The following SLX4IP variants were observed in gnomAD, a reference collection of about 807,000 sequenced individuals.
SLX4IP encodes the protein protein SLX4IP.
A neutral mutation model predicts 32.9 loss-of-function variants in SLX4IP; 34 were observed. That is an observed-to-expected ratio of 1.03 (90% CI 0.79 to 1.38). The LOEUF (loss-of-function observed/expected upper bound fraction) is 1.38. Ranked by LOEUF, SLX4IP falls within the 40% of genes most tolerant of loss-of-function variation. The pLI is 0.00. For missense variants in SLX4IP, 444 were observed against 479.0 expected (o/e 0.93, Z 0.68); for synonymous variants, 172 against 171.7 (o/e 1.00, Z -0.01).
chr20:10,520,594 G>A (rs890260992), intron 2 of SLX4IP, among the ~76,000 whole-genome samples: 2 of 152,128 alleles, frequency 1.3e-5, no homozygotes, highest in Non-Finnish European at 2.9e-5. Flanking sequence ...GCCTTACCAA[G>A]ATTATGAAAG....
At chr20:10,582,799 A>G (rs559211193) in intron 4 of SLX4IP, among the ~76,000 whole-genome samples, 51 of 152,322 alleles carry the variant, frequency 3.3e-4, no homozygotes, top group African/African-American at 7.7e-4. Flanking sequence ...ACAACATAAT[A>G]AAAGATACTT....
At chr20:10,541,831 A>C (rs2066110746) in intron 2 of SLX4IP, among the ~76,000 whole-genome samples, 1 of 152,212 alleles carries the variant, frequency 6.6e-6, no homozygotes, top group South Asian at 2.1e-4. Context: ...CCCATTGTAC[A>C]GATAAAGGGA....
intron 4 of SLX4IP, among the ~76,000 whole-genome samples, chr20:10,578,844 A>G (rs1299146111): frequency 6.6e-6 from 1 of 152,218 alleles, no homozygotes; most frequent in Non-Finnish European, 1.5e-5. Context: ...CATCTATTCA[A>G]GTACTTACTG....
chr20:10,459,166 GA>G (rs1223658046), intron 2 of SLX4IP, among the ~76,000 whole-genome samples: 26 of 152,220 alleles, frequency 1.7e-4, no homozygotes, highest in African/African-American at 5.8e-4. Flanking sequence ...CCTTTTTTCA[GA>G]AGAGTCTATT....
chr20:10,438,665 A>G (rs2065136375), intron 1 of SLX4IP, among the ~76,000 whole-genome samples: 2 of 151,472 alleles, frequency 1.3e-5, no homozygotes, highest in African/African-American at 4.9e-5. Context: ...TATTTTTAGT[A>G]GAGATGGAGT....
chr20:10,462,153 C>T (rs1286968052), intron 2 of SLX4IP, among the ~76,000 whole-genome samples: 2 of 151,476 alleles, frequency 1.3e-5, no homozygotes, highest in Non-Finnish European at 2.9e-5. Context: ...GAAAGTAGAA[C>T]AAAAAGATAA....
intron 2 of SLX4IP, among the ~76,000 whole-genome samples, chr20:10,518,464 T>TGC (rs2065873222): frequency 2.2e-5 from 1 of 45,834 alleles, no homozygotes; most frequent in Admixed American, 1.9e-4. Flanking sequence ...CCTTCCTTCC[T>TGC]TTCCTTTCTT....
chr20:10,616,093 G>C, intron 6 of SLX4IP, among the ~76,000 whole-genome samples: 1 of 152,060 alleles, frequency 6.6e-6, no homozygotes, highest in Non-Finnish European at 1.5e-5. Context: ...TTCTGTGTTG[G>C]TAAAGGCCAA....
chr20:10,607,713 A>G (rs887960681), intron 6 of SLX4IP, among the ~76,000 whole-genome samples: 2 of 152,114 alleles, frequency 1.3e-5, no homozygotes, highest in African/African-American at 4.8e-5. Context: ...GCTGGTAGTG[A>G]GGATGAAGAT....
chr20:10,621,433 C>G lies in SLX4IP; in HGVS notation c.506+19C>G, dbSNP rs1243278735. The G allele has an allele frequency of 1.2e-5, 20 of 1,610,182 alleles. No homozygotes were observed. Among genetic ancestry groups the G allele is most frequent in the Non-Finnish European group, 1.6e-5 (19 of 1,176,716 alleles). On this transcript the variant is annotated intron_variant, in intron 7 of 7. Coordinates refer to ENST00000334534, the MANE Select transcript of SLX4IP (RefSeq NM_001009608.3). ...AAGAAATGTAGGTGCAATGTGTTTC[C>G]TTTTTCTCATTTTTGCCTGTCTCTA...
intron 2 of SLX4IP, among the ~76,000 whole-genome samples, chr20:10,506,588 T>G (rs540366461): frequency 5.7e-4 from 87 of 152,340 alleles, no homozygotes; most frequent in African/African-American, 2.1e-3. Context: ...TTATGATTGC[T>G]ATGAAATTCA....
At chr20:10,517,033 A>C (rs1041730286) in intron 2 of SLX4IP, among the ~76,000 whole-genome samples, 1 of 152,228 alleles carries the variant, frequency 6.6e-6, no homozygotes, top group African/African-American at 2.4e-5. Context: ...ATGTATTTGA[A>C]TGAGCATGGG....
chr20:10,590,968 A>G (rs541259627), intron 4 of SLX4IP, among the ~76,000 whole-genome samples: 8 of 152,324 alleles, frequency 5.3e-5, no homozygotes, highest in African/African-American at 1.9e-4. Context: ...AAAAGTTTGA[A>G]TTGTTTGCAA....
At chr20:10,611,238 G>A (rs920102761) in intron 6 of SLX4IP, among the ~76,000 whole-genome samples, 3 of 152,092 alleles carry the variant, frequency 2.0e-5, no homozygotes, top group Admixed American at 6.6e-5. Context: ...GAGGGCTGTC[G>A]CATACAATAA....
intron 7 of SLX4IP, among the ~76,000 whole-genome samples, chr20:10,622,320 G>GA (rs33940544): frequency 1.5e-4 from 23 of 151,186 alleles, no homozygotes; most frequent in Admixed American, 9.9e-4. Flanking sequence ...TCTACTCCTG[G>GA]AAAAAAAAAA....
At chr20:10,452,923 T>C (rs1310837984) in intron 1 of SLX4IP, among the ~76,000 whole-genome samples, 1 of 152,004 alleles carries the variant, frequency 6.6e-6, no homozygotes, top group African/African-American at 2.4e-5. Context: ...GATCACTAAA[T>C]TACCGTCTGT....
intron 6 of SLX4IP, among the ~76,000 whole-genome samples, chr20:10,604,349 G>C (rs1243520735): frequency 1.3e-5 from 2 of 152,156 alleles, no homozygotes; most frequent in Admixed American, 6.6e-5. Flanking sequence ...AACAGCCTGG[G>C]TGCCTTACTC....
chr20:10,546,663 A>T (rs1288140551), intron 2 of SLX4IP, among the ~76,000 whole-genome samples: 1 of 152,136 alleles, frequency 6.6e-6, no homozygotes, highest in Non-Finnish European at 1.5e-5. Context: ...TGTAGTTTTC[A>T]TTGCTATCTC....
chr20:10,486,742 T>G (rs2065577704), intron 2 of SLX4IP, among the ~76,000 whole-genome samples: 1 of 152,166 alleles, frequency 6.6e-6, no homozygotes. Context: ...TTTACAAAAT[T>G]TTAAATTCTA....
Sources: gnomAD v4.1 joint callset for allele counts (sites outside exome capture counted in the v4.1 genomes callset) on GRCh38, gnomAD v4.1.1 for gene constraint, MANE v1.5 for transcripts, NCBI Gene and HGNC (gene_info 2026-07-23, HGNC 2026-07-21) for gene names.